The following ZNF519 variants were observed in gnomAD, a reference collection of about 807,000 sequenced individuals.
ZNF519 encodes zinc finger protein 519, also known as similar to Zinc finger protein 85 (Zinc finger protein HPF4) (HTF1).
A neutral mutation model predicts 7.4 loss-of-function variants in ZNF519; 7 were observed. The ratio of observed to expected loss-of-function variants is 0.94; its 90% CI spans 0.54 to 1.77. The LOEUF (loss-of-function observed/expected upper bound fraction) is 1.77. Among genes scored for constraint, ZNF519 ranks in the 40% most tolerant of loss-of-function variants. The pLI is 0.00. For synonymous variants in ZNF519, 179 were observed against 203.3 expected (o/e 0.88, Z 1.02); for missense variants, 586 against 623.1 (o/e 0.94, Z 0.63).
intron 1 of ZNF519, among the ~76,000 whole-genome samples, chr18:14,125,207 T>C (rs1271058174): frequency 6.6e-6 from 1 of 152,110 alleles, no homozygotes; most frequent in Non-Finnish European, 1.5e-5. Context: ...AGACCACCAA[T>C]CATCAGCCTG....
intron 1 of ZNF519, among the ~76,000 whole-genome samples, chr18:14,128,018 G>A (rs1342193245): frequency 3.9e-5 from 6 of 152,052 alleles, no homozygotes; most frequent in Admixed American, 2.0e-4. Flanking sequence ...AGCCGGGCGC[G>A]GTGGCTTACG....
At chr18:14,093,997 C>G (rs1023540955) in intron 2 of ZNF519, among the ~76,000 whole-genome samples, 3 of 152,242 alleles carry the variant, frequency 2.0e-5, no homozygotes, top group Admixed American at 2.0e-4. Context: ...TATTACTAGA[C>G]ATTTCCTTGA....
chr18:14,100,382 T>C lies in ZNF519; in HGVS notation c.*4535A>G, dbSNP rs1239439954. 6.6e-6 allele frequency: 1 copy of C among 152,162 alleles called. No individual in the cohort carries two copies. The highest frequency in any genetic ancestry group is 1.5e-5 in the Non-Finnish European group (1 of 68,028). 9.4% of individuals were successfully genotyped at this position (152,162 alleles called of 1,614,324 possible). On this transcript the variant is annotated 3_prime_UTR_variant, in exon 3 of 3. Coordinates refer to ENST00000590202, the MANE Select transcript of ZNF519 (RefSeq NM_145287.4). ...TAGTACATGAATGTACATAGCACTT[T>C]TATTCATAATAGCCACACACTGACT... is the stretch of plus-strand genomic sequence containing the variant.
At chr18:14,078,724 A>G (rs1405410559) in intron 3 of ZNF519, among the ~76,000 whole-genome samples, 1 of 150,026 alleles carries the variant, frequency 6.7e-6, no homozygotes, top group African/African-American at 2.5e-5. Flanking sequence ...ACTGGCCTTT[A>G]TGCCAAGAAT....
At chr18:14,130,774 T>G (rs1221926739) in intron 1 of ZNF519, among the ~76,000 whole-genome samples, 1 of 151,932 alleles carries the variant, frequency 6.6e-6, no homozygotes, top group African/African-American at 2.4e-5. Context: ...ATAGTCTATC[T>G]TTTTCTCTGA....
At position 14,119,547 on chromosome 18, in the gene ZNF519, C is replaced by A. The variant is rs149237837; in HGVS notation, c.130+4803G>T. ...TATGATCATACATATGTATATAAAA[C>A]CTTAGAGTACAACAACAAAAACTGT... On this transcript the variant is annotated intron_variant, in intron 2 of 2. Transcript: ENST00000590202. 2.0e-3 allele frequency among the ~76,000 whole-genome samples: 297 copies of A among 152,216 alleles called. 3 individuals carry two copies. Among genetic ancestry groups the A allele is most frequent in the African/African-American group, 6.8e-3 (284 of 41,516 alleles).
chr18:14,119,444 T>C (rs562547592), intron 2 of ZNF519, among the ~76,000 whole-genome samples: 1 of 152,200 alleles, frequency 6.6e-6, no homozygotes, highest in East Asian at 1.9e-4. Flanking sequence ...TGAAAGTTTG[T>C]ATCAGAACAA....
chr18:14,080,315 G>GTTTTTTTTTTTTTTTTTT, intron 3 of ZNF519: 1 of 101,256 alleles, frequency 9.9e-6, no homozygotes, highest in African/African-American at 4.0e-5. Context: ...CAATTTGACA[G>GTTTTTTTTTTTTTTTTTT]TTTTTTTTTT....
intron 1 of ZNF519, among the ~76,000 whole-genome samples, chr18:14,130,208 A>AG (rs2046322866): frequency 6.6e-6 from 1 of 151,470 alleles, no homozygotes; most frequent in Admixed American, 6.6e-5. Flanking sequence ...AAAAAAAAAA[A>AG]GCCTATTTGT....
intron 2 of ZNF519, among the ~76,000 whole-genome samples, chr18:14,116,235 C>T (rs577576844): frequency 6.6e-6 from 1 of 152,166 alleles, no homozygotes; most frequent in South Asian, 2.1e-4. Context: ...TGTTAAATGA[C>T]AATAGTATCC....
chr18:14,128,715 A>ACACACG (rs2046314400), intron 1 of ZNF519, among the ~76,000 whole-genome samples: 1 of 150,564 alleles, frequency 6.6e-6, no homozygotes, highest in Admixed American at 6.6e-5. Context: ...ACACACACAC[A>ACACACG]CACACACACA....
chr18:14,124,762 T>G (rs1234275288), intron 1 of ZNF519, among the ~76,000 whole-genome samples: 9 of 151,972 alleles, frequency 5.9e-5, no homozygotes, highest in Non-Finnish European at 1.3e-4. Context: ...TCACCTCTCA[T>G]TAAAGTATCT....
At chr18:14,098,442 G>T (rs1037051528), downstream of ZNF519, among the ~76,000 whole-genome samples, 2 of 152,106 alleles carry the variant, frequency 1.3e-5, no homozygotes, top group Non-Finnish European at 1.5e-5. Context: ...TTATAGGCAT[G>T]AGCCACCACG....
chr18:14,080,321 T>TTG (rs1264582328), intron 3 of ZNF519: 25 of 89,764 alleles, frequency 2.8e-4, no homozygotes, highest in African/African-American at 7.8e-4. Flanking sequence ...GACAGTTTTT[T>TTG]TTTTTTTTTT....
intron 3 of ZNF519, chr18:14,080,215 G>A (rs1387111144): frequency 6.6e-6 from 1 of 150,392 alleles, no homozygotes; most frequent in Non-Finnish European, 1.5e-5. Flanking sequence ...CTAGAACACT[G>A]ACAACACCAA....
intron 2 of ZNF519, among the ~76,000 whole-genome samples, chr18:14,115,336 C>T (rs569210916): frequency 1.3e-5 from 2 of 152,264 alleles, no homozygotes; most frequent in South Asian, 4.1e-4. Flanking sequence ...TGACAGAGTG[C>T]TGAAGGAAAT....
chr18:14,077,066 AT>A (rs2046050511), exon 5 of ZNF519: 1 of 152,226 alleles, frequency 6.6e-6, no homozygotes, highest in Non-Finnish European at 1.5e-5. Flanking sequence ...TAGAAAAAAA[AT>A]AAAGCAGCTG....
chr18:14,132,195 T>A, intron 1 of ZNF519, 80 bp downstream of exon 1: 1 of 1,547,414 alleles, frequency 6.5e-7, no homozygotes. Context: ...ACTCGCAGAC[T>A]AGGTCCCGTC....
intron 2 of ZNF519, among the ~76,000 whole-genome samples, chr18:14,118,005 G>A (rs547477116): frequency 5.3e-5 from 8 of 152,220 alleles, no homozygotes; most frequent in Admixed American, 3.9e-4. Context: ...GTGAAAAAAC[G>A]CAAATGTTCT....
Sources: allele counts gnomAD v4.1 joint callset (sites outside exome capture counted in the v4.1 genomes callset), GRCh38; gene constraint gnomAD v4.1.1; transcripts MANE v1.5; gene names NCBI Gene and HGNC (gene_info 2026-07-23, HGNC 2026-07-21).